RNF166: variants seen among roughly 807,000 people sequenced by gnomAD.
The protein encoded by RNF166 is ring finger protein 166.
RNF166 carries 19 observed loss-of-function variants against 29.4 expected under a neutral mutation model. The observed-to-expected ratio is 0.65, with a 90% CI of 0.45 to 0.95. The LOEUF (loss-of-function observed/expected upper bound fraction) is 0.95, where lower values mean the gene tolerates loss of function less well. Among genes scored for constraint, RNF166 ranks in the 40% least tolerant of loss-of-function variants. The pLI, the probability that RNF166 is intolerant of heterozygous loss-of-function variation, is 0.00. For missense variants in RNF166, 347 were observed against 322.1 expected, an observed-to-expected ratio of 1.08 and a Z score of -0.59; for synonymous variants, 171 against 134.5, an observed-to-expected ratio of 1.27 and a Z score of -1.88.
At chr16:88,700,920 G>GT (rs1910150510) in intron 2 of RNF166, 1 of 1,163,090 alleles carries the variant, frequency 8.6e-7, no homozygotes, top group African/African-American at 1.6e-5. Flanking sequence ...GCCGTCCCCG[G>GT]TATCGGCTGG....
chr16:88,700,856 C>G, intron 2 of RNF166: 1 of 1,084,762 alleles, frequency 9.2e-7, no homozygotes, highest in Non-Finnish European at 1.1e-6. Context: ...GGGTGCTCGG[C>G]CCTTAGATGT....
chr16:88,698,045 C>T (rs999454812), intron 5 of RNF166: 16 of 536,846 alleles, frequency 3.0e-5, no homozygotes, highest in African/African-American at 1.7e-4. Context: ...AACAGGGCGG[C>T]GCAGGGAGGG....
intron 1 of RNF166, among the ~76,000 whole-genome samples, chr16:88,704,660 C>T (rs758437683): frequency 2.0e-5 from 3 of 151,948 alleles, no homozygotes; most frequent in South Asian, 2.1e-4. Context: ...TGAGAAGGTG[C>T]GGAACACACC....
At chr16:88,704,488 GAA>G in intron 1 of RNF166, 1 of 985,346 alleles carries the variant, frequency 1.0e-6, no homozygotes, top group African/African-American at 1.7e-5. Context: ...TACATTTTAG[GAA>G]AAGACATATT....
At chr16:88,704,160 A>G in intron 1 of RNF166, 1 of 985,492 alleles carries the variant, frequency 1.0e-6, no homozygotes. Context: ...CGGAGGGGAC[A>G]GAACCAGACC....
At chr16:88,704,115 C>T (rs139441899) in intron 1 of RNF166, 28,536 of 983,856 alleles carry the variant, frequency 0.029, 488 homozygotes, top group South Asian at 0.088. Flanking sequence ...AGAGATCTAC[C>T]CTGGAGGAGG....
At chr16:88,698,767 C>A (rs1275771085) in intron 4 of RNF166, among the ~76,000 whole-genome samples, 158 bp from the exon 5 acceptor site, 1 of 152,016 alleles carries the variant, frequency 6.6e-6, no homozygotes, top group Non-Finnish European at 1.5e-5. Flanking sequence ...GCGAGTTATT[C>A]AGTGCGCGTC....
rs1450841562 is a variant in RNF166 at position 88,706,372 on chromosome 16, G to T, written c.-47C>A. 4.9e-6 allele frequency: 6 copies of T among 1,217,920 alleles called. No individual in the cohort carries two copies. Among genetic ancestry groups the T allele is most frequent in the East Asian group, 3.4e-5 (1 of 29,422 alleles). The allele number at this position is 1,217,920 out of a possible 1,614,324, so 75.4% of individuals were successfully genotyped here. The stretch of plus-strand genomic sequence containing the variant: ...CCCGCCGCCCGCTGTCCTGGCCCGG[G>T]CCGGCCCGCTAGTCACAGCCGCTAC... On this transcript the variant is annotated 5_prime_UTR_variant, in exon 1 of 6. Coordinates refer to ENST00000312838, the MANE Select transcript of RNF166 (RefSeq NM_178841.4).
At chr16:88,700,924 C>T (rs1275299815) in intron 2 of RNF166, 35 of 1,165,650 alleles carry the variant, frequency 3.0e-5, no homozygotes, top group Non-Finnish European at 3.6e-5. Flanking sequence ...TCCCCGGTAT[C>T]GGCTGGCAGG....
In RNF166 at chr16:88,696,583, C is replaced by T. The variant is rs1217587005; in HGVS notation, c.*985G>A. On this transcript the variant is annotated 3_prime_UTR_variant, in exon 6 of 6. Coordinates refer to ENST00000312838, the MANE Select transcript of RNF166 (RefSeq NM_178841.4). Reference sequence around the variant, plus strand: ...TGCCAAGAACAGAAAAGAATGTTGACGTGTTGCCCGGCCCGCCAAGCGGGC... The same window carrying T: ...TGCCAAGAACAGAAAAGAATGTTGATGTGTTGCCCGGCCCGCCAAGCGGGC... The T allele has an allele frequency of 1.5e-5, 7 of 453,482 alleles. No homozygotes were observed. Among genetic ancestry groups the T allele is most frequent in the Non-Finnish European group, 2.2e-5 (5 of 226,268 alleles). 28.1% of individuals were successfully genotyped at this position (453,482 alleles called of 1,614,324 possible). A position where few individuals can be genotyped will look rare whatever the true frequency, so the allele number is the denominator to read the frequency against.
chr16:88,700,522 G>A, intron 2 of RNF166: 1 of 863,978 alleles, frequency 1.2e-6, no homozygotes, highest in Non-Finnish European at 1.4e-6. Context: ...CGACCTCGAG[G>A]ACAAACCACC....
chr16:88,699,888 A>G, intron 2 of RNF166, 156 bp from the exon 3 acceptor site: 1 of 567,044 alleles, frequency 1.8e-6, no homozygotes. Context: ...TGCTAAAACA[A>G]TCTCAGGCAC....
At chr16:88,704,665 C>T (rs569842101) in intron 1 of RNF166, among the ~76,000 whole-genome samples, 2 of 152,174 alleles carry the variant, frequency 1.3e-5, no homozygotes, top group Non-Finnish European at 2.9e-5. Flanking sequence ...AGGTGCGGAA[C>T]ACACCTTCAA....
rs1567635064 is a variant in RNF166 at position 88,698,811 on chromosome 16, C to CAGAGTGG, written c.540+159_540+160insCCACTCT. ...GGACTCATGGACACTCCCCGGTTTC[C>CAGAGTGG]GCCAGGTGCTGCTCGGGCAGCCAAG... On this transcript the variant is annotated intron_variant, in intron 4 of 5. Transcript: ENST00000312838. Among the ~76,000 whole-genome samples, 5 of 152,296 alleles carry CAGAGTGG rather than the reference C, an allele frequency of 3.3e-5. No individual in the cohort carries two copies. The East Asian group carries it at 9.7e-4, about 29-fold the overall frequency.
intron 1 of RNF166, chr16:88,703,348 C>T (rs1224749812): frequency 2.0e-6 from 2 of 985,362 alleles, no homozygotes; most frequent in Non-Finnish European, 2.4e-6. Context: ...CTCGGCTGCA[C>T]AGCACGGCCA....
chr16:88,706,379 C>T lies in RNF166; in HGVS notation c.-54G>A. On this transcript the variant is annotated 5_prime_UTR_variant, in exon 1 of 6. Transcript: ENST00000312838. Reference sequence around the variant, plus strand: ...CCCGCTGTCCTGGCCCGGGCCGGCCCGCTAGTCACAGCCGCTACTGCGCCG... The same window carrying T: ...CCCGCTGTCCTGGCCCGGGCCGGCCTGCTAGTCACAGCCGCTACTGCGCCG... 1.6e-6 allele frequency: 2 copies of T among 1,216,828 alleles called. No homozygotes were observed. Among genetic ancestry groups the T allele is most frequent in the East Asian group, 3.4e-5 (1 of 29,586 alleles). The allele number at this position is 1,216,828 out of a possible 1,614,324, so 75.4% of individuals were successfully genotyped here. A position where few individuals can be genotyped will look rare whatever the true frequency, so the allele number is the denominator to read the frequency against.
At chr16:88,698,112 G>C in intron 5 of RNF166, 1 of 588,736 alleles carries the variant, frequency 1.7e-6, no homozygotes, top group Non-Finnish European at 3.0e-6. Context: ...GGCCAGGTGT[G>C]TGCCTGACCC....
intron 1 of RNF166, chr16:88,702,752 G>C: frequency 1.0e-6 from 1 of 985,410 alleles, no homozygotes. Context: ...GCAGAGTAAA[G>C]AGGTCGCTCA....
At chr16:88,698,197 C>T (rs910994758) in intron 5 of RNF166, 3 of 612,812 alleles carry the variant, frequency 4.9e-6, no homozygotes, top group South Asian at 3.8e-5. Flanking sequence ...CTCTAGAAAG[C>T]TTCCAGAAGG....
Sources: gnomAD v4.1 joint callset for allele counts (sites outside exome capture counted in the v4.1 genomes callset) on GRCh38, gnomAD v4.1.1 for gene constraint, MANE v1.5 for transcripts, NCBI Gene and HGNC (gene_info 2026-07-23, HGNC 2026-07-21) for gene names.